The following ATP8A2 variants were observed in gnomAD, a reference collection of about 807,000 sequenced individuals.
ATP8A2 encodes ATPase phospholipid transporting 8A2.
A neutral mutation model predicts 165.6 loss-of-function variants in ATP8A2; 100 were observed. The ratio of observed to expected loss-of-function variants is 0.60; its 90% CI spans 0.51 to 0.71. ATP8A2 has a LOEUF of 0.71. Among genes scored for constraint, ATP8A2 ranks in the 30% least tolerant of loss-of-function variants. ATP8A2 has a pLI of 0.00. For synonymous variants in ATP8A2, 543 were observed against 548.8 expected (o/e 0.99, Z 0.15); for missense variants, 1,227 against 1,479.5 (o/e 0.83, Z 2.80).
intron 12 of ATP8A2, among the ~76,000 whole-genome samples, chr13:25,554,545 G>A (rs1280373734): frequency 1.3e-5 from 2 of 151,584 alleles, no homozygotes; most frequent in Non-Finnish European, 2.9e-5. Context: ...GTGTGTGTGT[G>A]TGTGTGTGTG....
chr13:25,466,038 G>A (rs112498611), intron 1 of ATP8A2, among the ~76,000 whole-genome samples: 1,806 of 151,760 alleles, frequency 0.012, 38 homozygotes, highest in African/African-American at 0.042. Flanking sequence ...TACCTGGTTC[G>A]CTTATCTAAA....
chr13:25,490,901 G>A (rs922311759), intron 2 of ATP8A2, among the ~76,000 whole-genome samples: 4 of 151,828 alleles, frequency 2.6e-5, no homozygotes, highest in Middle Eastern at 3.4e-3. Context: ...GTCACCATGC[G>A]TGACTAATTA....
chr13:25,768,083 G>GT (rs1566118744), intron 25 of ATP8A2, among the ~76,000 whole-genome samples: 1 of 135,418 alleles, frequency 7.4e-6, no homozygotes, highest in Non-Finnish European at 1.6e-5. Flanking sequence ...GCGTGGGGGG[G>GT]GGGTGGTGGG....
chr13:25,695,271 C>T (rs373371051), intron 24 of ATP8A2, among the ~76,000 whole-genome samples: 10 of 152,088 alleles, frequency 6.6e-5, no homozygotes, highest in East Asian at 5.8e-4. Flanking sequence ...TACTAAAATA[C>T]GCTAACAATC....
Position 25,953,604 on chromosome 13 carries a change from G to T in ATP8A2, c.3184-7971G>T, listed in dbSNP as rs1279493520. Among the ~76,000 whole-genome samples, 1 of 151,370 alleles carries T rather than the reference G, an allele frequency of 6.6e-6. No homozygotes were observed. On this transcript the variant is annotated intron_variant, in intron 33 of 36. Coordinates refer to ENST00000381655, the MANE Select transcript of ATP8A2 (RefSeq NM_016529.6). This position sits in a 1 kb window ranked among gnomAD's most constrained non-coding sequence, Gnocchi z 6.7. ...ACAGCTCCAGTCTGTAGCTCCCAGG[G>T]AGATCAAGGCAGACAGCGAGTGATT...
chr13:25,928,863 C>T (rs1407886651), intron 33 of ATP8A2, among the ~76,000 whole-genome samples: 2 of 152,146 alleles, frequency 1.3e-5, no homozygotes, highest in South Asian at 2.1e-4. Flanking sequence ...ATCTGAAGTG[C>T]CCCCAAATCG....
intron 25 of ATP8A2, among the ~76,000 whole-genome samples, chr13:25,762,397 C>T (rs968462561): frequency 6.7e-6 from 1 of 148,166 alleles, no homozygotes; most frequent in African/African-American, 2.5e-5. Context: ...ATATCTGTCT[C>T]TTGAATCACA....
At chr13:25,390,812 C>A (rs1029597468) in intron 1 of ATP8A2, among the ~76,000 whole-genome samples, 5 of 151,986 alleles carry the variant, frequency 3.3e-5, no homozygotes, top group African/African-American at 1.2e-4. Flanking sequence ...CACCTGTAAT[C>A]CCAGCTACTC....
In ATP8A2 at chr13:25,454,409, G is replaced by A. The variant is rs563856541; in HGVS notation, c.77-14568G>A. 1.3e-4 allele frequency among the ~76,000 whole-genome samples: 20 copies of A among 151,890 alleles called. No homozygotes were observed. In the South Asian group the frequency reaches 2.7e-3, roughly 21 times the overall value. ...CAGACAGAGATGGAGTTAGGAGTAA[G>A]AGAGGTTTACTGGGGACAACCTCTC... On this transcript the variant is annotated intron_variant, in intron 1 of 36. Transcript: ENST00000381655.
rs377472058 is a variant in ATP8A2 at position 25,752,073 on chromosome 13, T to C, written c.2385-16973T>C. 1.8e-4 allele frequency among the ~76,000 whole-genome samples: 27 copies of C among 151,802 alleles called. No individual in the cohort carries two copies. In the East Asian group the frequency reaches 3.9e-3, roughly 22 times the overall value. ...AGGCAAGAGAGTACCAATGGGCATA[T>C]ATATTGGTGCAGTCCTACGTAAAGG... is the stretch of plus-strand genomic sequence containing the variant. On this transcript the variant is annotated intron_variant, in intron 25 of 36. Coordinates refer to ENST00000381655, the MANE Select transcript of ATP8A2 (RefSeq NM_016529.6).
intron 1 of ATP8A2, among the ~76,000 whole-genome samples, chr13:25,417,610 G>A (rs867104501): frequency 2.0e-5 from 3 of 152,012 alleles, no homozygotes; most frequent in Middle Eastern, 3.4e-3. Flanking sequence ...AATTATTCTA[G>A]CTCAGTGATT....
At chr13:25,539,150 G>A (rs905814430) in intron 7 of ATP8A2, among the ~76,000 whole-genome samples, 1 of 151,654 alleles carries the variant, frequency 6.6e-6, no homozygotes, top group Admixed American at 6.6e-5. Flanking sequence ...AGGCTGGAGT[G>A]CAGTGGCTCA....
At chr13:25,563,065 A>T (rs1258877900) in intron 15 of ATP8A2, among the ~76,000 whole-genome samples, 2 of 152,196 alleles carry the variant, frequency 1.3e-5, no homozygotes, top group Non-Finnish European at 2.9e-5. Context: ...AGACTAACAT[A>T]CACTCTGCTG....
intron 35 of ATP8A2, among the ~76,000 whole-genome samples, chr13:25,983,601 G>A (rs1956214606): frequency 6.6e-6 from 1 of 152,148 alleles, no homozygotes; most frequent in Admixed American, 6.5e-5. Flanking sequence ...ATCTTCAGGG[G>A]TCAACTTGGA....
At chr13:25,513,376 C>T (rs1212192185) in intron 2 of ATP8A2, among the ~76,000 whole-genome samples, 46 of 151,326 alleles carry the variant, frequency 3.0e-4, no homozygotes, top group African/African-American at 1.0e-3. Flanking sequence ...CGGGCAGAGA[C>T]GCTTCTCACT....
chr13:25,790,443 G>C (rs1032505344), intron 27 of ATP8A2, among the ~76,000 whole-genome samples: 6 of 151,846 alleles, frequency 4.0e-5, no homozygotes, highest in Non-Finnish European at 7.4e-5. Context: ...TGTAATTCCA[G>C]CACTTTGGGA....
At chr13:25,732,395 G>A (rs1373013975) in intron 25 of ATP8A2, among the ~76,000 whole-genome samples, 1 of 152,178 alleles carries the variant, frequency 6.6e-6, no homozygotes, top group Non-Finnish European at 1.5e-5. Flanking sequence ...TCCTGCTGGT[G>A]ATATTCGAGG....
chr13:25,417,635 C>T (rs193077670), intron 1 of ATP8A2, among the ~76,000 whole-genome samples: 6 of 152,246 alleles, frequency 3.9e-5, no homozygotes, highest in Admixed American at 2.0e-4. Context: ...AACTTCGGTG[C>T]GTAGGACTGG....
At chr13:25,997,259 C>G (rs1216445626) in intron 35 of ATP8A2, among the ~76,000 whole-genome samples, 1 of 152,196 alleles carries the variant, frequency 6.6e-6, no homozygotes, top group Non-Finnish European at 1.5e-5. Context: ...CTTTCAGCAC[C>G]TGAAAAATGT....
Sources: allele counts gnomAD v4.1 joint callset (sites outside exome capture counted in the v4.1 genomes callset), GRCh38; gene constraint gnomAD v4.1.1; non-coding constraint Gnocchi (gnomAD v3.1); transcripts MANE v1.5; gene names NCBI Gene and HGNC (gene_info 2026-07-23, HGNC 2026-07-21).